Variants in GOPC observed in about 807,000 individuals in gnomAD.
The protein encoded by GOPC is Golgi-associated PDZ and coiled-coil motif-containing protein.
Under a neutral mutation model 51.2 loss-of-function variants are expected in GOPC, and 32 were observed. The ratio of observed to expected loss-of-function variants is 0.63; its 90% CI spans 0.47 to 0.84. The LOEUF (loss-of-function observed/expected upper bound fraction) is 0.84, where lower values mean the gene tolerates loss of function less well. Among genes scored for constraint, GOPC ranks in the 40% least tolerant of loss-of-function variants. The pLI is 0.00. For synonymous variants in GOPC, 190 were observed against 205.1 expected (o/e 0.93, Z 0.63); for missense variants, 441 against 555.5 (o/e 0.79, Z 2.07).
rs773980908 is a variant in GOPC at position 117,566,878 on chromosome 6, T to C, written c.1234A>G (p.Ser412Gly). 6.3e-7 allele frequency: 1 copy of C among 1,587,874 alleles called. No homozygotes were observed. The highest frequency in any genetic ancestry group is 2.3e-5 in the East Asian group (1 of 44,062). The change falls in exon 8 of 9, where the codon AGT (serine) becomes GGT (glycine). Residue 412 changes from serine to glycine, a missense_variant. Physicochemically the swap from Ser to Gly is moderately conservative, Grantham distance 56. Coordinates refer to ENST00000368498, the MANE Select transcript of GOPC (RefSeq NM_020399.4). ...GNPGASCKDT[S>G]GEIKVLQGFN... is the part of the protein sequence containing the mutation. ...CCTTGTAATACTTTGATTTCCCCAC[T>C]TGTGTCTTTGCAACTAGCACCAGGG...
At chr6:117,601,611 ATC>A (rs1772011348) in intron 1 of GOPC, among the ~76,000 whole-genome samples, 1 of 152,250 alleles carries the variant, frequency 6.6e-6, no homozygotes, top group African/African-American at 2.4e-5. Flanking sequence ...TCAGTGCTGT[ATC>A]TGTCTTAACA....
At chr6:117,574,622 T>C (rs1222145831) in intron 4 of GOPC, among the ~76,000 whole-genome samples, 3 of 152,210 alleles carry the variant, frequency 2.0e-5, no homozygotes, top group Non-Finnish European at 4.4e-5. Context: ...TGTTAGCATT[T>C]CACAGTAAGA....
chr6:117,587,114 G>T lies in GOPC; in HGVS notation c.286-8050C>A, dbSNP rs533154039. ...GGAAATAATACTCCTCCTTACTTCA[G>T]GTCAGCTCTTGAAGCAGTTATCTGG... is the stretch of plus-strand genomic sequence containing the variant. On this transcript the variant is annotated intron_variant, in intron 1 of 8. Transcript: ENST00000368498. Among the ~76,000 whole-genome samples the T allele has an allele frequency of 4.8e-4, 73 of 152,196 alleles. 1 individual carries two copies. The South Asian group carries it at 9.1e-3, about 19-fold the overall frequency.
chr6:117,572,752 C>T (rs1779824233), intron 5 of GOPC, among the ~76,000 whole-genome samples: 1 of 152,216 alleles, frequency 6.6e-6, no homozygotes, highest in Non-Finnish European at 1.5e-5. Flanking sequence ...GTGCTTATCG[C>T]TATCCCCACT....
chr6:117,577,764 A>G (rs1005853168), intron 2 of GOPC, among the ~76,000 whole-genome samples: 2 of 152,098 alleles, frequency 1.3e-5, no homozygotes, highest in Non-Finnish European at 2.9e-5. Flanking sequence ...GAAAATTTAG[A>G]TTGTTTCTGA....
intron 2 of GOPC, 35 bp downstream of exon 2, chr6:117,578,865 A>T: frequency 6.8e-7 from 1 of 1,476,180 alleles, no homozygotes; most frequent in Non-Finnish European, 9.1e-7. Flanking sequence ...CCTGTAAAAT[A>T]CATGCAAGGG....
At chr6:117,566,242 GT>G (rs1335703906) in intron 8 of GOPC, among the ~76,000 whole-genome samples, 1 of 152,114 alleles carries the variant, frequency 6.6e-6, no homozygotes, top group Non-Finnish European at 1.5e-5. Flanking sequence ...TGATGTCTTA[GT>G]ATTATTATGA....
intron 1 of GOPC, among the ~76,000 whole-genome samples, chr6:117,591,707 T>C (rs1464596187): frequency 6.6e-6 from 1 of 152,166 alleles, no homozygotes; most frequent in African/African-American, 2.4e-5. Context: ...AGATCAGTTT[T>C]ATTGAGGCAA....
intron 1 of GOPC, 45 bp downstream of exon 1, chr6:117,601,959 G>A (rs1772021161): frequency 1.3e-6 from 2 of 1,595,512 alleles, no homozygotes; most frequent in Non-Finnish European, 1.7e-6. Context: ...ACGCCACCGG[G>A]CAGCCTGGGG....
At chr6:117,577,847 G>C (rs966539173) in intron 2 of GOPC, among the ~76,000 whole-genome samples, 1 of 152,030 alleles carries the variant, frequency 6.6e-6, no homozygotes, top group Non-Finnish European at 1.5e-5. Flanking sequence ...TTCTAACACA[G>C]ATTCACAGAG....
intron 1 of GOPC, among the ~76,000 whole-genome samples, chr6:117,595,498 G>T (rs890935780): frequency 2.0e-5 from 3 of 152,126 alleles, no homozygotes; most frequent in African/African-American, 7.2e-5. Context: ...CCCATCACCT[G>T]AGCAGTGTAC....
At position 117,602,381 on chromosome 6, in the gene GOPC, G is replaced by T; in HGVS notation, c.-93C>A. On this transcript the variant is annotated 5_prime_UTR_variant, in exon 1 of 9. Coordinates refer to ENST00000368498, the MANE Select transcript of GOPC (RefSeq NM_020399.4). ...TGGGACTGAGGGGACCCCCGCGCGCGCGGGCACACTCCGTCACCTCCCTTC... is the reference window on the plus strand; with the variant it reads ...TGGGACTGAGGGGACCCCCGCGCGCTCGGGCACACTCCGTCACCTCCCTTC... 7.8e-7 allele frequency: 1 copy of T among 1,282,168 alleles called. No homozygotes were observed. The highest frequency in any genetic ancestry group is 1.0e-6 in the Non-Finnish European group (1 of 958,396). The allele number at this position is 1,282,168 out of a possible 1,614,324, so 79.4% of individuals were successfully genotyped here. A position where few individuals can be genotyped will look rare whatever the true frequency, so the allele number is the denominator to read the frequency against.
At chr6:117,568,101 AG>A (rs1267467871) in intron 7 of GOPC, among the ~76,000 whole-genome samples, 1 of 151,094 alleles carries the variant, frequency 6.6e-6, no homozygotes, top group Admixed American at 6.6e-5. Context: ...CAGGGGGCTG[AG>A]GTCGGAGGAT....
Position 117,570,941 on chromosome 6 carries a change from T to C in GOPC, c.831A>G (p.Leu277=), listed in dbSNP as rs1779796488. 6.9e-6 allele frequency: 11 copies of C among 1,591,456 alleles called. No homozygotes were observed. The highest frequency in any genetic ancestry group is 9.5e-6 in the Non-Finnish European group (11 of 1,163,274). ...TTGGACCAACACCTTGGCTTTTCTTTAGGGAATCTTGATCCTTATTGGGAG... is the reference window on the plus strand; with the variant it reads ...TTGGACCAACACCTTGGCTTTTCTTCAGGGAATCTTGATCCTTATTGGGAG... ...QAPPGHDQDS[L]KKSQGVGPIR... is the part of the protein sequence containing the mutation. Residue 277 remains leucine (L), a synonymous_variant, in exon 6 of 9, where the codon CTA becomes CTG. Transcript: ENST00000368498.
Position 117,563,154 on chromosome 6 carries a change from A to T in GOPC, c.*100T>A. ...GGTACCCGCCTTTCATTTAGGCAAC[A>T]AACAGCCTCCCCTGATTTTGTAGTC... On this transcript the variant is annotated 3_prime_UTR_variant, in exon 9 of 9. Transcript: ENST00000368498. 1 of 1,140,868 alleles carries T rather than the reference A, an allele frequency of 8.8e-7. No individual in the cohort carries two copies. Among genetic ancestry groups the T allele is most frequent in the East Asian group, 2.4e-5 (1 of 42,308 alleles). The allele number at this position is 1,140,868 out of a possible 1,614,324, so 70.7% of individuals were successfully genotyped here.
intron 2 of GOPC, 32 bp downstream of exon 2, chr6:117,578,868 T>C: frequency 2.7e-6 from 4 of 1,502,432 alleles, no homozygotes; most frequent in Non-Finnish European, 3.6e-6. Flanking sequence ...GTAAAATACA[T>C]GCAAGGGCAT....
In GOPC at chr6:117,575,548, C is replaced by T. The variant is rs530893142; in HGVS notation, c.475-196G>A. On this transcript the variant is annotated intron_variant, in intron 3 of 8. Coordinates refer to ENST00000368498, the MANE Select transcript of GOPC (RefSeq NM_020399.4). ...ACTACTTCTAGATAAAATAATTGCA[C>T]GCCATGGGTTACCCTGATATGGAGT... 52 of 750,996 alleles carry T rather than the reference C, an allele frequency of 6.9e-5. 1 individual carries two copies. Among genetic ancestry groups the T allele is most frequent in the East Asian group, 5.2e-4 (21 of 40,220 alleles). 46.5% of individuals were successfully genotyped at this position (750,996 alleles called of 1,614,324 possible).
chr6:117,562,492 T>C lies in GOPC; in HGVS notation c.*762A>G, dbSNP rs1055793758. The C allele has an allele frequency of 1.8e-4, 37 of 203,568 alleles. No homozygotes were observed. The highest frequency in any genetic ancestry group is 8.0e-4 in the African/African-American group (35 of 43,686). 12.6% of individuals were successfully genotyped at this position (203,568 alleles called of 1,614,324 possible). ...TTGAGGCTCAACATGAATGGGTAAA[T>C]GCTCCAGTACTGCGCACACAGATCA... On this transcript the variant is annotated 3_prime_UTR_variant, in exon 9 of 9. Coordinates refer to ENST00000368498, the MANE Select transcript of GOPC (RefSeq NM_020399.4).
rs560114880 is a variant in GOPC at position 117,587,940 on chromosome 6, C to A, written c.286-8876G>T. Among the ~76,000 whole-genome samples, 19 of 152,020 alleles carry A rather than the reference C, an allele frequency of 1.2e-4. 1 individual carries two copies. The East Asian group carries it at 2.3e-3, about 19-fold the overall frequency. ...CCAAGCTGGGCTGCAGTGGCATGAT[C>A]ACAGCTCACTGGGGACTTGGAACTC... On this transcript the variant is annotated intron_variant, in intron 1 of 8. Transcript: ENST00000368498.
Sources: allele counts gnomAD v4.1 joint callset (sites outside exome capture counted in the v4.1 genomes callset), GRCh38; gene constraint gnomAD v4.1.1; transcripts MANE v1.5; gene names NCBI Gene and HGNC (gene_info 2026-07-23, HGNC 2026-07-21).